Variants in MAP7 observed in about 807,000 individuals in gnomAD.
MAP7 encodes the protein microtubule associated protein 7.
A neutral mutation model predicts 94.8 loss-of-function variants in MAP7; 52 were observed. The observed-to-expected ratio is 0.55, with a 90% CI of 0.44 to 0.69. The LOEUF (loss-of-function observed/expected upper bound fraction) is 0.69. MAP7 is among the 30% of genes least tolerant of loss of function. The pLI is 0.00. For synonymous variants in MAP7, 350 were observed against 357.0 expected (o/e 0.98, Z 0.22); for missense variants, 940 against 964.6 (o/e 0.97, Z 0.34).
chr6:136,377,852 G>T lies in MAP7; in HGVS notation c.654C>A (p.Leu218=). 1 of 1,613,794 alleles carries T rather than the reference G, an allele frequency of 6.2e-7. No homozygotes were observed. The highest frequency in any genetic ancestry group is 1.1e-5 in the South Asian group (1 of 91,054). The part of the protein sequence containing the change: ...NSPDRARRLQ[L]SPWESSVVNR... ...TAACAACGCTGCTCTCCCATGGGCT[G>T]AGCTGCAGGCGGCGAGCTAAACGTC... Residue 218 remains leucine, a synonymous_variant, in exon 7 of 18, where the codon CTC becomes CTA. Coordinates refer to ENST00000354570, the MANE Select transcript of MAP7 (RefSeq NM_003980.6).
intron 3 of MAP7, among the ~76,000 whole-genome samples, chr6:136,408,329 A>C (rs1459175772): frequency 1.3e-5 from 2 of 152,204 alleles, no homozygotes; most frequent in Non-Finnish European, 2.9e-5. Context: ...CTGAAGGATA[A>C]TGCAGAAAAA....
chr6:136,449,178 C>A (rs1472762335), intron 1 of MAP7, among the ~76,000 whole-genome samples: 4 of 152,016 alleles, frequency 2.6e-5, no homozygotes, highest in Non-Finnish European at 5.9e-5. Context: ...GCCTGTAGTC[C>A]CAGCTACTGG....
chr6:136,359,990 A>G lies in MAP7; in HGVS notation c.1845T>C (p.Ala615=). 1.2e-6 allele frequency: 2 copies of G among 1,613,518 alleles called. No individual in the cohort carries two copies. The highest frequency in any genetic ancestry group is 1.7e-6 in the Non-Finnish European group (2 of 1,179,840). Residue 615 remains alanine (A), a synonymous_variant, in exon 14 of 18, where the codon GCT becomes GCC. Coordinates refer to ENST00000354570, the MANE Select transcript of MAP7 (RefSeq NM_003980.6). ...ACGGCCATGTCAATACCTTATCTGT[A>G]GCTTCTGTTCTCCTGGTTCTTTTCA... ...EIMKRTRRTE[A]TDKKTSDQRN... is the part of the protein sequence containing the mutation.
At chr6:136,455,285 A>C (rs1309284762) in intron 1 of MAP7, among the ~76,000 whole-genome samples, 1 of 152,206 alleles carries the variant, frequency 6.6e-6, no homozygotes, top group Non-Finnish European at 1.5e-5. Flanking sequence ...CCAGGAAGAT[A>C]GAATAATTAT....
chr6:136,448,414 G>C (rs1465840052), intron 1 of MAP7, among the ~76,000 whole-genome samples: 1 of 150,346 alleles, frequency 6.7e-6, no homozygotes, highest in East Asian at 2.0e-4. Context: ...TAATGACTAC[G>C]ATTTTTTTTT....
At chr6:136,537,788 ATTT>A (rs59705938) in intron 1 of MAP7, among the ~76,000 whole-genome samples, 1 of 144,752 alleles carries the variant, frequency 6.9e-6, no homozygotes. Flanking sequence ...GAAGTTATGA[ATTT>A]TTTTTTTTTT....
intron 10 of MAP7, 151 bp from the exon 11 acceptor site, chr6:136,362,853 G>T: frequency 7.7e-7 from 1 of 1,295,216 alleles, no homozygotes. Flanking sequence ...GTTTCACTAT[G>T]TTCTATCTGT....
intron 1 of MAP7, among the ~76,000 whole-genome samples, chr6:136,470,074 G>A (rs899651132): frequency 1.3e-4 from 19 of 151,980 alleles, no homozygotes; most frequent in African/African-American, 4.1e-4. Context: ...TGCCACCCTC[G>A]AAACTGAAGA....
chr6:136,549,742 C>T (rs780064801), intron 1 of MAP7, among the ~76,000 whole-genome samples: 6 of 152,240 alleles, frequency 3.9e-5, no homozygotes, highest in Non-Finnish European at 2.9e-5. Flanking sequence ...AAACCCCCAC[C>T]GTGCTGCACT....
intron 5 of MAP7, among the ~76,000 whole-genome samples, chr6:136,385,211 C>T (rs888292433): frequency 2.0e-5 from 3 of 152,104 alleles, no homozygotes; most frequent in African/African-American, 4.8e-5. Flanking sequence ...CTTTGATTAA[C>T]ATCAGTCATT....
At chr6:136,496,066 A>C (rs1818106581) in intron 1 of MAP7, among the ~76,000 whole-genome samples, 2 of 152,230 alleles carry the variant, frequency 1.3e-5, no homozygotes, top group Non-Finnish European at 2.9e-5. Flanking sequence ...TTACATCCCC[A>C]AACCATGTTA....
chr6:136,397,880 A>T (rs1408743710), intron 3 of MAP7, among the ~76,000 whole-genome samples: 1 of 152,244 alleles, frequency 6.6e-6, no homozygotes, highest in Non-Finnish European at 1.5e-5. Flanking sequence ...AAAGAACAGT[A>T]TGTCCAAAAA....
At chr6:136,420,555 A>C in intron 2 of MAP7, 1 of 192,642 alleles carries the variant, frequency 5.2e-6, no homozygotes, top group Non-Finnish European at 1.1e-5. Context: ...TACATCTCTC[A>C]TGCTTCTTCG....
chr6:136,545,182 G>A (rs1829631420), intron 1 of MAP7: 1 of 152,094 alleles, frequency 6.6e-6, no homozygotes, highest in African/African-American at 2.4e-5. Flanking sequence ...TCAAGTCCAC[G>A]TTGCTACTTT....
At chr6:136,479,294 G>A (rs1812008962) in intron 1 of MAP7, among the ~76,000 whole-genome samples, 1 of 152,120 alleles carries the variant, frequency 6.6e-6, no homozygotes, top group African/African-American at 2.4e-5. Context: ...AAAAGCATTT[G>A]ATAAAGGTCA....
chr6:136,412,746 G>T (rs1035917153), intron 2 of MAP7, among the ~76,000 whole-genome samples: 1 of 152,156 alleles, frequency 6.6e-6, no homozygotes, highest in Non-Finnish European at 1.5e-5. Flanking sequence ...GAGAAGAGGG[G>T]TTCTGCAGCA....
intron 1 of MAP7, among the ~76,000 whole-genome samples, chr6:136,546,564 G>A (rs892243899): frequency 7.2e-5 from 11 of 152,244 alleles, no homozygotes; most frequent in African/African-American, 2.6e-4. Flanking sequence ...GCTGTATCCA[G>A]TATGTTCTTC....
At position 136,433,387 on chromosome 6, in the gene MAP7, C is replaced by T. The variant is rs115045993; in HGVS notation, c.68-11588G>A. Among the ~76,000 whole-genome samples the T allele has an allele frequency of 4.4e-3, 672 of 152,232 alleles. 5 individuals are homozygous for T. Among genetic ancestry groups the T allele is most frequent in the African/African-American group, 0.016 (648 of 41,548 alleles). ...ACAGTCCTGACTGAGTATTATTTAC[C>T]TTCTTCTGTCAGCATCTACACCTGA... On this transcript the variant is annotated intron_variant, in intron 1 of 17. Transcript: ENST00000354570.
chr6:136,515,624 G>A (rs192570131), intron 1 of MAP7, among the ~76,000 whole-genome samples: 14 of 152,334 alleles, frequency 9.2e-5, no homozygotes, highest in African/African-American at 3.4e-4. Flanking sequence ...GAGGCCTGAG[G>A]AGAGGGAGAG....
Sources: allele counts gnomAD v4.1 joint callset (sites outside exome capture counted in the v4.1 genomes callset), GRCh38; gene constraint gnomAD v4.1.1; transcripts MANE v1.5; gene names NCBI Gene and HGNC (gene_info 2026-07-23, HGNC 2026-07-21).